The following HDAC9 variants were observed in gnomAD, a reference collection of about 807,000 sequenced individuals.
The protein encoded by HDAC9 is MEF-2 interacting transcription repressor (MITR) protein.
In HDAC9, 41 loss-of-function variants were observed where a neutral mutation model predicts 139.4. That is an observed-to-expected ratio of 0.29 (90% confidence interval 0.23 to 0.38). HDAC9 has a LOEUF of 0.38. Among genes scored for constraint, HDAC9 ranks in the 10% least tolerant of loss-of-function variants. The probability of loss-of-function intolerance (pLI) is 1.00; values close to 1 mark genes in which losing one functional copy is unlikely to be tolerated. For missense variants in HDAC9, 1,147 were observed against 1,297.0 expected (o/e 0.88, Z 1.78); for synonymous variants, 517 against 476.2 (o/e 1.09, Z -1.12).
At chr7:18,693,308 A>G (rs914562514) in intron 12 of HDAC9, among the ~76,000 whole-genome samples, 5 of 152,176 alleles carry the variant, frequency 3.3e-5, no homozygotes, top group Non-Finnish European at 7.3e-5. Flanking sequence ...ATTGAAATTC[A>G]GAGTACATTT....
At chr7:18,367,609 G>A (rs777928316) in intron 1 of HDAC9, among the ~76,000 whole-genome samples, 2 of 151,952 alleles carry the variant, frequency 1.3e-5, no homozygotes, top group African/African-American at 2.4e-5. Context: ...CATTTACATT[G>A]TTTTAGGCTT....
At chr7:18,860,198 G>A (rs1262459080) in intron 21 of HDAC9, among the ~76,000 whole-genome samples, 1 of 152,054 alleles carries the variant, frequency 6.6e-6, no homozygotes, top group Non-Finnish European at 1.5e-5. Flanking sequence ...AAGTGCACGT[G>A]TCACCAGCAT....
intron 2 of HDAC9, among the ~76,000 whole-genome samples, chr7:18,171,273 G>T (rs1034635953): frequency 2.7e-4 from 41 of 152,172 alleles, no homozygotes; most frequent in Middle Eastern, 3.4e-3. Context: ...TAGGAATGCT[G>T]GTGATTTTTG....
chr7:18,640,375 A>G (rs28631781), intron 8 of HDAC9, among the ~76,000 whole-genome samples: 7,225 of 148,948 alleles, frequency 0.049, 285 homozygotes, highest in African/African-American at 0.1. Context: ...AAAAAAAAAA[A>G]AAAAAAAAAA....
intron 15 of HDAC9, among the ~76,000 whole-genome samples, chr7:18,766,002 T>C (rs1284968538): frequency 6.6e-6 from 1 of 152,210 alleles, no homozygotes; most frequent in Non-Finnish European, 1.5e-5. Flanking sequence ...ACTAATATGA[T>C]TTATTGTTTT....
At chr7:18,927,662 C>T (rs1804355971) in intron 22 of HDAC9, among the ~76,000 whole-genome samples, 3 of 152,180 alleles carry the variant, frequency 2.0e-5, no homozygotes, top group African/African-American at 7.2e-5. Flanking sequence ...GTGAAGTCTT[C>T]ATAAACATTT....
chr7:18,594,153 C>T (rs2128841927), intron 6 of HDAC9, 124 bp downstream of exon 6: 1 of 881,826 alleles, frequency 1.1e-6, no homozygotes, highest in Non-Finnish European at 1.8e-6. Context: ...CCCACCCCTG[C>T]CCCCAGCATA....
At chr7:18,088,546 C>G (rs986543657) in intron 1 of HDAC9, among the ~76,000 whole-genome samples, 1 of 152,108 alleles carries the variant, frequency 6.6e-6, no homozygotes, top group African/African-American at 2.4e-5. Context: ...TTTTCTGATG[C>G]CCCAGAAATC....
intron 1 of HDAC9, among the ~76,000 whole-genome samples, chr7:18,314,044 C>CTAATTAATTAT (rs1214130881): frequency 5.3e-5 from 8 of 152,264 alleles, no homozygotes; most frequent in African/African-American, 1.7e-4. Flanking sequence ...TGGCCAGCTT[C>CTAATTAATTAT]CAAGCAAGAG....
intron 2 of HDAC9, chr7:18,517,685 A>G (rs1039986676): frequency 6.6e-6 from 1 of 152,204 alleles, no homozygotes; most frequent in South Asian, 2.1e-4. Context: ...AGAAGAGTAC[A>G]AGTTAAGACA....
At chr7:18,416,023 G>A (rs1046548770) in intron 1 of HDAC9, among the ~76,000 whole-genome samples, 3 of 152,160 alleles carry the variant, frequency 2.0e-5, no homozygotes, top group Admixed American at 2.0e-4. Context: ...GCCAGGCTCA[G>A]TGACTCACGC....
chr7:18,585,244 T>G, intron 2 of HDAC9, 37 bp from the exon 3 acceptor site: 1 of 1,103,898 alleles, frequency 9.1e-7, no homozygotes, highest in Non-Finnish European at 1.3e-6. Flanking sequence ...TCTATTACCC[T>G]CCCCCACCCC....
At chr7:18,235,473 C>A (rs546147654) in intron 2 of HDAC9, among the ~76,000 whole-genome samples, 2 of 152,214 alleles carry the variant, frequency 1.3e-5, no homozygotes. Context: ...CAGTTGGGTC[C>A]GGTTCCCCAC....
chr7:18,262,813 T>C (rs1378081140), intron 2 of HDAC9, among the ~76,000 whole-genome samples: 1 of 152,080 alleles, frequency 6.6e-6, no homozygotes, highest in African/African-American at 2.4e-5. Context: ...TTGTTATAAA[T>C]TGAGATAATA....
At chr7:18,679,659 T>C (rs1284722926) in intron 12 of HDAC9, among the ~76,000 whole-genome samples, 1 of 151,646 alleles carries the variant, frequency 6.6e-6, no homozygotes. Context: ...CTAAATTTAT[T>C]AGACCGTGTT....
chr7:18,875,189 A>G (rs10486312), intron 22 of HDAC9, among the ~76,000 whole-genome samples: 6,346 of 152,186 alleles, frequency 0.042, 321 homozygotes, highest in African/African-American at 0.12. Flanking sequence ...GTGCATTTGA[A>G]TAATACAACC....
intron 2 of HDAC9, among the ~76,000 whole-genome samples, chr7:18,273,055 C>CTTTTTTTTTTTTTTTT (rs1491175072): frequency 2.9e-5 from 2 of 68,234 alleles, no homozygotes; most frequent in Non-Finnish European, 5.3e-5. Context: ...TCCCCTTCTT[C>CTTTTTTTTTTTTTTTT]GTTTTTTTTT....
chr7:18,129,242 A>C (rs1217958432), intron 1 of HDAC9, among the ~76,000 whole-genome samples: 1 of 152,144 alleles, frequency 6.6e-6, no homozygotes, highest in Non-Finnish European at 1.5e-5. Context: ...AATTCTATTG[A>C]AAAACAGTTT....
intron 17 of HDAC9, 35 bp downstream of exon 17, chr7:18,793,487 A>G (rs1472693934): frequency 1.5e-6 from 2 of 1,324,396 alleles, no homozygotes; most frequent in Non-Finnish European, 2.1e-6. Flanking sequence ...TGGGAAATCC[A>G]GAGAAGAAAC....
Sources: allele counts gnomAD v4.1 joint callset (sites outside exome capture counted in the v4.1 genomes callset), GRCh38; gene constraint gnomAD v4.1.1; transcripts MANE v1.5; gene names NCBI Gene and HGNC (gene_info 2026-07-23, HGNC 2026-07-21).